The following JAK1 variants were observed in gnomAD, a reference collection of about 807,000 sequenced individuals.
The protein encoded by JAK1 is tyrosine-protein kinase JAK1.
Under a neutral mutation model 136.6 loss-of-function variants are expected in JAK1, and 16 were observed. The ratio of observed to expected loss-of-function variants is 0.12; its 90% CI spans 0.08 to 0.18. The LOEUF (loss-of-function observed/expected upper bound fraction) is 0.18. JAK1 is among the 10% of genes least tolerant of loss of function. JAK1 has a pLI of 1.00. For missense variants in JAK1, 859 were observed against 1,450.1 expected, an observed-to-expected ratio of 0.59 and a Z score of 6.62; for synonymous variants, 492 against 519.5, an observed-to-expected ratio of 0.95 and a Z score of 0.72.
intron 1 of JAK1, among the ~76,000 whole-genome samples, chr1:64,910,129 T>C (rs1645257844): frequency 6.6e-6 from 1 of 152,254 alleles, no homozygotes; most frequent in Non-Finnish European, 1.5e-5. Flanking sequence ...TCGTTATTTA[T>C]TTAATCTTTA....
At chr1:65,023,408 T>A (rs762613704) in intron 2 of JAK1, among the ~76,000 whole-genome samples, 1 of 152,158 alleles carries the variant, frequency 6.6e-6, no homozygotes, top group Non-Finnish European at 1.5e-5. Flanking sequence ...CAGATTTCGA[T>A]AATTGTACAC....
intron 2 of JAK1, among the ~76,000 whole-genome samples, chr1:64,997,801 A>G (rs1646717343): frequency 1.3e-5 from 2 of 152,270 alleles, no homozygotes; most frequent in Non-Finnish European, 1.5e-5. Flanking sequence ...GACAATGCTT[A>G]TGTGAAGGAT....
At chr1:64,848,802 T>G (rs948094618) in intron 12 of JAK1, among the ~76,000 whole-genome samples, 5 of 152,198 alleles carry the variant, frequency 3.3e-5, no homozygotes, top group African/African-American at 1.2e-4. Flanking sequence ...CACTGATACC[T>G]AGGGAATCAG....
chr1:64,843,914 T>A (rs1655062771), intron 17 of JAK1, 150 bp downstream of exon 17: 1 of 778,422 alleles, frequency 1.3e-6, no homozygotes, highest in Admixed American at 2.7e-5. Flanking sequence ...TTCAGTTACA[T>A]TTGTGAGGTC....
chr1:64,843,928 C>T (rs1345780769), intron 17 of JAK1, 136 bp downstream of exon 17: 1 of 908,292 alleles, frequency 1.1e-6, no homozygotes, highest in African/African-American at 1.7e-5. Flanking sequence ...TGAGGTCACA[C>T]ACCCAGTAGG....
At position 65,031,155 on chromosome 1, in the gene JAK1, C is replaced by CAA. The variant is rs375856684; in HGVS notation, c.-78+13323_-78+13324dup. On this transcript the variant is annotated intron_variant, in intron 2 of 25. Coordinates refer to the JAK1 transcript ENST00000671954. ...GGCAACAGAGTGAGAGACCCTATCT[C>CAA]AAAAAAAAAAAAAAAAAAAAAGGAA... is the stretch of plus-strand genomic sequence containing the variant. Among the ~76,000 whole-genome samples the CAA allele has an allele frequency of 3.4e-3, 233 of 68,122 alleles. 2 individuals carry two copies. Among genetic ancestry groups the CAA allele is most frequent in the African/African-American group, 8.6e-3 (168 of 19,464 alleles). 44.7% of individuals were successfully genotyped at this position (68,122 alleles called of 152,430 possible). A position where few individuals can be genotyped will look rare whatever the true frequency, so the allele number is the denominator to read the frequency against.
At chr1:64,969,472 AAATG>A (rs368911327), upstream of JAK1, among the ~76,000 whole-genome samples, 245 of 148,138 alleles carry the variant, frequency 1.7e-3, 2 homozygotes, top group African/African-American at 5.9e-3. Context: ...AGACGTTGCC[AAATG>A]TCCCCTGGGG....
chr1:64,961,553 A>G (rs1022300255), intron 1 of JAK1, among the ~76,000 whole-genome samples: 2 of 152,082 alleles, frequency 1.3e-5, no homozygotes, highest in African/African-American at 4.8e-5. Flanking sequence ...ATCTGGATCC[A>G]ACCTGCATGT....
intron 1 of JAK1, among the ~76,000 whole-genome samples, chr1:64,901,542 C>G (rs1009596440): frequency 2.0e-5 from 3 of 152,106 alleles, no homozygotes; most frequent in Non-Finnish European, 4.4e-5. Flanking sequence ...TGAAAAAACT[C>G]AAAAAACCAA....
chr1:64,987,360 GGA>G (rs1275814817), intron 2 of JAK1: 1 of 152,202 alleles, frequency 6.6e-6, no homozygotes, highest in East Asian at 1.9e-4. Context: ...GAGGATGGAA[GGA>G]TAGATGGATA....
chr1:65,005,671 T>C (rs1052517394), intron 2 of JAK1, among the ~76,000 whole-genome samples: 3 of 152,236 alleles, frequency 2.0e-5, no homozygotes, highest in Admixed American at 6.5e-5. Context: ...AAATATGTAC[T>C]ATGTCAACTA....
chr1:65,055,171 C>G (rs11208577), intron 1 of JAK1, among the ~76,000 whole-genome samples: 104,714 of 151,986 alleles, frequency 0.69, 36,838 homozygotes, highest in Non-Finnish European at 0.76. Context: ...TCCCCCCTCT[C>G]CCCCAGCTCC....
At chr1:65,038,634 A>G (rs1258662603) in intron 2 of JAK1, among the ~76,000 whole-genome samples, 1 of 151,922 alleles carries the variant, frequency 6.6e-6, no homozygotes. Flanking sequence ...CCATTCCTTT[A>G]GACATCTTTG....
chr1:65,057,024 T>C (rs1647576847), intron 1 of JAK1, among the ~76,000 whole-genome samples: 1 of 150,812 alleles, frequency 6.6e-6, no homozygotes, highest in South Asian at 2.1e-4. Flanking sequence ...ACCTCAGCCA[T>C]CTCTGTTCTC....
chr1:64,895,853 A>G (rs1396189282), intron 1 of JAK1, among the ~76,000 whole-genome samples: 2 of 152,212 alleles, frequency 1.3e-5, no homozygotes, highest in Non-Finnish European at 2.9e-5. Context: ...GTCTAACTTC[A>G]TGATCACATC....
chr1:65,046,393 C>T (rs1647183573), intron 1 of JAK1, among the ~76,000 whole-genome samples: 1 of 152,180 alleles, frequency 6.6e-6, no homozygotes, highest in Admixed American at 6.5e-5. Flanking sequence ...GATGCCAAGC[C>T]AGGAGTGTCT....
chr1:64,859,962 G>A (rs1320469126), intron 9 of JAK1, 143 bp downstream of exon 9: 1 of 594,222 alleles, frequency 1.7e-6, no homozygotes, highest in Non-Finnish European at 2.7e-6. Flanking sequence ...CCAGAGCTTG[G>A]ACAGCAGGGA....
chr1:64,834,964 G>T (rs2100927277), intron 24 of JAK1, among the ~76,000 whole-genome samples: 1 of 152,324 alleles, frequency 6.6e-6, no homozygotes, highest in African/African-American at 2.4e-5. Context: ...CAGACTGGCT[G>T]CCTCACTCTC....
intron 2 of JAK1, among the ~76,000 whole-genome samples, chr1:65,026,810 T>C (rs1352688177): frequency 6.6e-6 from 1 of 151,554 alleles, no homozygotes; most frequent in Non-Finnish European, 1.5e-5. Context: ...TACTAAAAAA[T>C]ACAAAAATTA....
Sources: gnomAD v4.1 joint callset for allele counts (sites outside exome capture counted in the v4.1 genomes callset) on GRCh38, gnomAD v4.1.1 for gene constraint, MANE v1.5 for transcripts, NCBI Gene and HGNC (gene_info 2026-07-23, HGNC 2026-07-21) for gene names.